The following DNA2 variants were observed in gnomAD, a reference collection of about 807,000 sequenced individuals.
DNA2 encodes DNA replication ATP-dependent helicase/nuclease DNA2.
Under a neutral mutation model 119.1 loss-of-function variants are expected in DNA2, and 101 were observed. The ratio of observed to expected loss-of-function variants is 0.85; its 90% confidence interval spans 0.72 to 1.00. DNA2 has a LOEUF of 1.00. DNA2 is among the 50% of genes least tolerant of loss of function. DNA2 has a pLI of 0.00. For missense variants in DNA2, 1,121 were observed against 1,255.5 expected, an observed-to-expected ratio of 0.89 and a Z score of 1.62; for synonymous variants, 366 against 424.4, an observed-to-expected ratio of 0.86 and a Z score of 1.69.
At chr10:68,441,794 T>C (rs77082536) in intron 9 of DNA2, among the ~76,000 whole-genome samples, 2,897 of 152,118 alleles carry the variant, frequency 0.019, 94 homozygotes, top group African/African-American at 0.067. Context: ...AAAGCGAGTA[T>C]TTAAAAAATC....
Position 68,419,899 on chromosome 10 carries a change from G to A in DNA2, c.2698-7C>T. ...CTTGTTCTGGCGCTGGAACCTAAGTGGAAAAATATACAGCCTGCTGATAAT... is the reference window on the plus strand; with the variant it reads ...CTTGTTCTGGCGCTGGAACCTAAGTAGAAAAATATACAGCCTGCTGATAAT... On this transcript the variant is annotated splice_polypyrimidine_tract_variant and splice_region_variant and intron_variant, in intron 17 of 20. Coordinates refer to ENST00000358410, the MANE Select transcript of DNA2 (RefSeq NM_001080449.3). The A allele has an allele frequency of 6.2e-7, 1 of 1,612,180 alleles. No individual in the cohort carries two copies. The highest frequency in any genetic ancestry group is 8.5e-7 in the Non-Finnish European group (1 of 1,178,416).
intron 8 of DNA2, among the ~76,000 whole-genome samples, 151 bp from the exon 9 acceptor site, chr10:68,443,262 A>T (rs1056758412): frequency 2.0e-5 from 3 of 152,258 alleles, no homozygotes; most frequent in Non-Finnish European, 4.4e-5. Flanking sequence ...ATTTAAACAT[A>T]AGCCATATGG....
At chr10:68,419,251 C>T (rs768214154) in intron 18 of DNA2, 38 bp from the exon 19 acceptor site, 4 of 1,417,994 alleles carry the variant, frequency 2.8e-6, no homozygotes, top group Non-Finnish European at 3.7e-6. Context: ...GAAAGAAATC[C>T]TGATTAAGTT....
chr10:68,452,977 T>C (rs993539181), intron 5 of DNA2, among the ~76,000 whole-genome samples: 2 of 151,600 alleles, frequency 1.3e-5, no homozygotes, highest in African/African-American at 4.8e-5. Flanking sequence ...CTCGGCTCAC[T>C]GCAACTTCCA....
intron 6 of DNA2, among the ~76,000 whole-genome samples, chr10:68,447,434 T>C (rs1218426826): frequency 6.7e-6 from 1 of 150,108 alleles, no homozygotes; most frequent in Non-Finnish European, 1.5e-5. Context: ...GGAGAATTGC[T>C]TGAACCCGGG....
At position 68,419,998 on chromosome 10, in the gene DNA2, G is replaced by A. The variant is rs1564876182; in HGVS notation, c.2698-106C>T. ...ACTACCGACTTGGAGATGAAAAATA[G>A]CTTTGTCTAAAAGATGAAGGTGAAA... On this transcript the variant is annotated intron_variant, in intron 17 of 20. Coordinates refer to ENST00000358410, the MANE Select transcript of DNA2 (RefSeq NM_001080449.3). 1.3e-5 allele frequency: 11 copies of A among 855,800 alleles called. No individual in the cohort carries two copies. The East Asian group carries it at 2.0e-4, about 15-fold the overall frequency. 53.0% of individuals were successfully genotyped at this position (855,800 alleles called of 1,614,324 possible).
intron 10 of DNA2, among the ~76,000 whole-genome samples, chr10:68,434,221 AC>A (rs1376605756): frequency 3.3e-5 from 5 of 151,980 alleles, no homozygotes; most frequent in African/African-American, 1.2e-4. Flanking sequence ...GCTGCAGTGA[AC>A]TGAGATCGTG....
chr10:68,416,969 TG>T, intron 19 of DNA2, 114 bp from the exon 20 acceptor site: 1 of 889,492 alleles, frequency 1.1e-6, no homozygotes, highest in Non-Finnish European at 1.7e-6. Flanking sequence ...TGAGGCCAGG[TG>T]TAGTGGCTCA....
In DNA2 at chr10:68,471,783, C is replaced by G; in HGVS notation, c.74+8G>C. 1 of 1,594,116 alleles carries G rather than the reference C, an allele frequency of 6.3e-7. No individual in the cohort carries two copies. Among genetic ancestry groups the G allele is most frequent in the South Asian group, 1.1e-5 (1 of 88,498 alleles). On this transcript the variant is annotated splice_region_variant and intron_variant, in intron 1 of 20. Transcript: ENST00000358410. ...TTTGTTCCCACACCCTCCCCCCTCT[C>G]CGCTCACAGCTCCGCCGGCAGCTCC...
rs538605173 is a variant in DNA2, at chr10:68,414,754, C to G, written c.*285G>C. 3.4e-6 allele frequency: 1 copy of G among 297,808 alleles called. No homozygotes were observed. The highest frequency in any genetic ancestry group is 6.3e-6 in the Non-Finnish European group (1 of 158,010). The allele number at this position is 297,808 out of a possible 1,614,324, so 18.4% of individuals were successfully genotyped here. A position where few individuals can be genotyped will look rare whatever the true frequency, so the allele number is the denominator to read the frequency against. On this transcript the variant is annotated 3_prime_UTR_variant, in exon 21 of 21. Transcript: ENST00000358410. ...TCAAATAAAGTTCTTACAATGATAT[C>G]TACAAAATCAAATTAGTCCTGAAAT...
In DNA2 at chr10:68,448,934, T is replaced by G. The variant is rs189148748; in HGVS notation, c.939+1094A>C. 2.3e-3 allele frequency among the ~76,000 whole-genome samples: 101 copies of G among 44,600 alleles called. 11 individuals carry two copies. The highest frequency in any genetic ancestry group is 2.0e-3 in the South Asian group (2 of 1,022). 29.3% of individuals were successfully genotyped at this position (44,600 alleles called of 152,430 possible). Reference sequence around the variant, plus strand: ...TACAGGCATGTGCCACCACACCAGGTGTGTGTGTGTGTGTGTGTGTGTGTG... The same window carrying G: ...TACAGGCATGTGCCACCACACCAGGGGTGTGTGTGTGTGTGTGTGTGTGTG... On this transcript the variant is annotated intron_variant, in intron 6 of 20. Coordinates refer to ENST00000358410, the MANE Select transcript of DNA2 (RefSeq NM_001080449.3).
intron 14 of DNA2, among the ~76,000 whole-genome samples, chr10:68,428,021 A>G (rs1050386201): frequency 6.0e-5 from 9 of 150,924 alleles, no homozygotes; most frequent in Non-Finnish European, 1.0e-4. Flanking sequence ...CGCCAGAGCC[A>G]AACTCCATCT....
At position 68,450,253 on chromosome 10, in the gene DNA2, A is replaced by T; in HGVS notation, c.720-6T>A. ...CCTTACTATTATCACTTGGCCTGAA[A>T]AAAAAAAAAGCACAAAAACACTTAA... On this transcript the variant is annotated splice_region_variant and splice_polypyrimidine_tract_variant and intron_variant, in intron 5 of 20. Coordinates refer to ENST00000358410, the MANE Select transcript of DNA2 (RefSeq NM_001080449.3). 2.0e-6 allele frequency: 3 copies of T among 1,536,214 alleles called. No individual in the cohort carries two copies. The highest frequency in any genetic ancestry group is 2.6e-6 in the Non-Finnish European group (3 of 1,137,590).
chr10:68,472,320 C>T (rs1462147579), upstream of DNA2, among the ~76,000 whole-genome samples: 3 of 152,212 alleles, frequency 2.0e-5, no homozygotes, highest in African/African-American at 7.2e-5. Context: ...CCAGGCGCCC[C>T]TGGTTAGCCT....
At chr10:68,452,567 TTTA>T (rs143027263) in intron 5 of DNA2, among the ~76,000 whole-genome samples, 20,823 of 145,818 alleles carry the variant, frequency 0.14, 2,046 homozygotes, top group African/African-American at 0.31. Context: ...GCAATGTGGC[TTTA>T]TTATTATTAT....
At chr10:68,426,290 C>A (rs2051739555) in intron 14 of DNA2, among the ~76,000 whole-genome samples, 1 of 151,540 alleles carries the variant, frequency 6.6e-6, no homozygotes, top group South Asian at 2.1e-4. Flanking sequence ...GTAATCCCAG[C>A]ACTTTGGGAG....
chr10:68,418,435 T>C (rs2051620426), intron 19 of DNA2, among the ~76,000 whole-genome samples: 1 of 148,358 alleles, frequency 6.7e-6, no homozygotes, highest in Non-Finnish European at 1.5e-5. Flanking sequence ...AAAAGTAAGA[T>C]GTATGTTTTA....
chr10:68,449,217 C>G (rs2052085790), intron 6 of DNA2, among the ~76,000 whole-genome samples: 1 of 152,062 alleles, frequency 6.6e-6, no homozygotes, highest in Admixed American at 6.6e-5. Context: ...TTCCTTCTGA[C>G]CTTTGACTTC....
chr10:68,462,774 G>C (rs2052276061), intron 4 of DNA2, among the ~76,000 whole-genome samples: 1 of 152,198 alleles, frequency 6.6e-6, no homozygotes, highest in African/African-American at 2.4e-5. Context: ...CTACCTTACA[G>C]TGTCAGTCTG....
Sources: allele counts gnomAD v4.1 joint callset (sites outside exome capture counted in the v4.1 genomes callset), GRCh38; gene constraint gnomAD v4.1.1; transcripts MANE v1.5; gene names NCBI Gene and HGNC (gene_info 2026-07-23, HGNC 2026-07-21).